STAB2: variants seen among roughly 807,000 people sequenced by gnomAD.
STAB2 encodes the protein stabilin 2.
STAB2 carries 288 observed loss-of-function variants against 338.1 expected under a neutral mutation model. The observed-to-expected ratio is 0.85, with a 90% CI of 0.77 to 0.94. The LOEUF is 0.94. Among genes scored for constraint, STAB2 ranks in the 40% least tolerant of loss-of-function variants. STAB2 has a pLI of 0.00. For missense variants in STAB2, 3,141 were observed against 3,210.1 expected (o/e 0.98, Z 0.52); for synonymous variants, 1,202 against 1,193.3 (o/e 1.01, Z -0.15).
chr12:103,669,708 C>A, intron 21 of STAB2, 81 bp downstream of exon 21: 2 of 1,246,222 alleles, frequency 1.6e-6, no homozygotes, highest in Non-Finnish European at 2.3e-6. Flanking sequence ...TGATATAATG[C>A]CAGCTACTCT....
chr12:103,738,668 A>C (rs1444388870), intron 53 of STAB2, among the ~76,000 whole-genome samples: 1 of 152,202 alleles, frequency 6.6e-6, no homozygotes, highest in East Asian at 1.9e-4. Context: ...TTTTTCATTT[A>C]ATCATTTTTC....
intron 9 of STAB2, among the ~76,000 whole-genome samples, chr12:103,645,012 A>G (rs2138710041): frequency 6.6e-6 from 1 of 152,374 alleles, no homozygotes; most frequent in Non-Finnish European, 1.5e-5. Context: ...AATTTGGAGG[A>G]ACAAATGAAA....
chr12:103,693,885 G>T (rs1878171893), intron 31 of STAB2, among the ~76,000 whole-genome samples: 1 of 152,002 alleles, frequency 6.6e-6, no homozygotes, highest in Non-Finnish European at 1.5e-5. Flanking sequence ...GGGCACGGTG[G>T]CTCACTCTTG....
intron 9 of STAB2, among the ~76,000 whole-genome samples, chr12:103,647,524 A>G (rs1263756015): frequency 6.6e-6 from 1 of 152,160 alleles, no homozygotes; most frequent in African/African-American, 2.4e-5. Flanking sequence ...TGTGAAAGTC[A>G]TCTTCCTCAT....
At chr12:103,692,634 TGA>T (rs66556393) in intron 30 of STAB2, among the ~76,000 whole-genome samples, 176 bp from the exon 31 acceptor site, 32 of 150,960 alleles carry the variant, frequency 2.1e-4, no homozygotes, top group South Asian at 2.1e-3. Context: ...TGCACGTGTG[TGA>T]GAGAGAGAGA....
At chr12:103,755,534 G>C (rs1884036050) in intron 62 of STAB2, 67 bp downstream of exon 62, 1 of 1,608,816 alleles carries the variant, frequency 6.2e-7, no homozygotes, top group Admixed American at 1.7e-5. Flanking sequence ...AGCCTGGCCA[G>C]TCACTCCCCA....
intron 12 of STAB2, among the ~76,000 whole-genome samples, chr12:103,653,001 T>C (rs539484129): frequency 6.6e-6 from 1 of 152,310 alleles, no homozygotes; most frequent in South Asian, 2.1e-4. Flanking sequence ...GAAACTTTGC[T>C]ATAAACCTGT....
intron 27 of STAB2, among the ~76,000 whole-genome samples, chr12:103,686,265 T>C (rs1380364047): frequency 5.9e-5 from 9 of 152,112 alleles, no homozygotes; most frequent in Non-Finnish European, 1.2e-4. Flanking sequence ...TGGGGGGCCC[T>C]TTCCACCCTT....
chr12:103,677,721 G>A, intron 25 of STAB2, 110 bp downstream of exon 25: 2 of 1,374,056 alleles, frequency 1.5e-6, no homozygotes, highest in Middle Eastern at 2.7e-4. Context: ...GCTTTTTTCA[G>A]TCATTCGTGG....
intron 44 of STAB2, among the ~76,000 whole-genome samples, chr12:103,724,572 T>C (rs913291895): frequency 2.0e-5 from 3 of 152,192 alleles, no homozygotes; most frequent in Non-Finnish European, 2.9e-5. Context: ...GCTGGGACAA[T>C]GTGTTCTATT....
chr12:103,765,173 C>G (rs564498352), intron 68 of STAB2, among the ~76,000 whole-genome samples: 1 of 151,512 alleles, frequency 6.6e-6, no homozygotes, highest in African/African-American at 2.4e-5. Context: ...CTGAAATCAC[C>G]TTCATTTAAA....
chr12:103,650,426 C>T (rs1593182369), intron 10 of STAB2, 70 bp from the exon 11 acceptor site: 1 of 1,393,274 alleles, frequency 7.2e-7, no homozygotes, highest in African/African-American at 1.4e-5. Context: ...GACCTGTTGC[C>T]TGATTTTACT....
Position 103,635,370 on chromosome 12 carries a change from C to T in STAB2, c.584-1741C>T, listed in dbSNP as rs956423744. 7.2e-5 allele frequency among the ~76,000 whole-genome samples: 11 copies of T among 152,254 alleles called. No individual in the cohort carries two copies. In the South Asian group the frequency reaches 1.5e-3, roughly 20 times the overall value. ...CCAGAAGGACTGTAGAGGAGGAAGCCGGGGCTCTCTCCCTGTTTCTGGTTT... is the reference window on the plus strand; with the variant it reads ...CCAGAAGGACTGTAGAGGAGGAAGCTGGGGCTCTCTCCCTGTTTCTGGTTT... On this transcript the variant is annotated intron_variant, in intron 6 of 68. Coordinates refer to ENST00000388887, the MANE Select transcript of STAB2 (RefSeq NM_017564.10).
chr12:103,729,106 C>G, intron 48 of STAB2, 111 bp downstream of exon 48: 1 of 1,013,178 alleles, frequency 9.9e-7, no homozygotes, highest in Non-Finnish European at 1.5e-6. Flanking sequence ...GAACAGAAAA[C>G]CCAATGCTGC....
chr12:103,594,336 C>T, intron 2 of STAB2, 59 bp from the exon 3 acceptor site: 2 of 1,286,380 alleles, frequency 1.6e-6, no homozygotes, highest in South Asian at 2.5e-5. Context: ...GCAATTCTAC[C>T]ACCTAGAGTA....
In STAB2 at chr12:103,695,335, G is replaced by T. The variant is rs76426814; in HGVS notation, c.3376-215G>T. Among the ~76,000 whole-genome samples the T allele has an allele frequency of 9.1e-3, 1,388 of 152,278 alleles. 40 individuals carry two copies. Among genetic ancestry groups the T allele is most frequent in the African/African-American group, 0.032 (1,342 of 41,556 alleles). On this transcript the variant is annotated intron_variant, in intron 31 of 68. Transcript: ENST00000388887. ...CTAATCAAGGAGGTTTAACGGTAAGGCATAAAATTGAATGACTAACATCTC... is the reference window on the plus strand; with the variant it reads ...CTAATCAAGGAGGTTTAACGGTAAGTCATAAAATTGAATGACTAACATCTC...
chr12:103,753,294 G>T lies in STAB2; in HGVS notation c.6655G>T (p.Ala2219Ser), dbSNP rs775935228. 6.2e-7 allele frequency: 1 copy of T among 1,614,214 alleles called. No individual in the cohort carries two copies. Among genetic ancestry groups the T allele is most frequent in the Non-Finnish European group, 8.5e-7 (1 of 1,180,042 alleles). ...GCTGACCTTTGACAAAGCCAGAGAG[G>T]CCTGTGCCAACGAAGCTGCGACCAT... ...YKLTFDKARE[A>S]CANEAATMAT... Residue 2219 changes from alanine (A) to serine (S), a missense_variant, in exon 61 of 69, where the codon GCC (alanine) becomes TCC (serine). Ala to Ser is a moderately conservative substitution (Grantham distance 99). Coordinates refer to ENST00000388887, the MANE Select transcript of STAB2 (RefSeq NM_017564.10).
intron 25 of STAB2, 95 bp downstream of exon 25, chr12:103,677,706 C>G (rs938596484): frequency 6.9e-6 from 10 of 1,448,830 alleles, no homozygotes; most frequent in Non-Finnish European, 9.2e-7. Context: ...CTAGAACTTA[C>G]TGCAGCTTTT....
rs773613119 is a variant in STAB2, at chr12:103,660,716, A to G, written c.1822A>G (p.Ile608Val). Residue 608 changes from isoleucine to valine, a missense_variant, in exon 17 of 69, where the codon ATC (isoleucine) becomes GTC (valine). By Grantham distance (29) the Ile-to-Val change is conservative. Transcript: ENST00000388887. ...EVATLISTPHIRSMANQLIQF... is the reference protein window; with the variant it reads ...EVATLISTPHVRSMANQLIQF... ...GGCCACTCTCATCTCCACCCCTCACATCAGGAGCATGGCCAACCAGCTCAT... is the reference window on the plus strand; with the variant it reads ...GGCCACTCTCATCTCCACCCCTCACGTCAGGAGCATGGCCAACCAGCTCAT... 3.1e-6 allele frequency: 5 copies of G among 1,613,974 alleles called. No individual in the cohort carries two copies. Among genetic ancestry groups the G allele is most frequent in the Non-Finnish European group, 4.2e-6 (5 of 1,180,006 alleles).
Sources: gnomAD v4.1 joint callset for allele counts (sites outside exome capture counted in the v4.1 genomes callset) on GRCh38, gnomAD v4.1.1 for gene constraint, MANE v1.5 for transcripts, NCBI Gene and HGNC (gene_info 2026-07-23, HGNC 2026-07-21) for gene names.